CDH13: variants seen among roughly 807,000 people sequenced by gnomAD.
CDH13 encodes the protein cadherin-13.
A neutral mutation model predicts 63.8 loss-of-function variants in CDH13; 24 were observed. That is an observed-to-expected ratio of 0.38 (90% CI 0.27 to 0.53). CDH13 has a LOEUF of 0.53. CDH13 is among the 20% of genes least tolerant of loss of function. CDH13 has a pLI of 0.85. For missense variants in CDH13, 1,049 were observed against 903.1 expected (o/e 1.16, Z -2.07); for synonymous variants, 503 against 355.3 (o/e 1.42, Z -4.67).
chr16:82,953,648 G>C (rs1428416786), intron 2 of CDH13: 1 of 152,110 alleles, frequency 6.6e-6, no homozygotes, highest in Non-Finnish European at 1.5e-5. Flanking sequence ...TACTTAATCT[G>C]TGCAGTTTGC....
At chr16:83,269,337 ATATAT>A in intron 5 of CDH13, among the ~76,000 whole-genome samples, 1 of 152,322 alleles carries the variant, frequency 6.6e-6, no homozygotes, top group East Asian at 1.9e-4. Context: ...ACTTCATTAA[ATATAT>A]TATGCAATGC....
chr16:83,391,545 TA>T (rs1486416965), intron 6 of CDH13, among the ~76,000 whole-genome samples: 7 of 152,114 alleles, frequency 4.6e-5, no homozygotes, highest in Non-Finnish European at 8.8e-5. Context: ...AATTATACTA[TA>T]AAGGAACAAC....
intron 5 of CDH13, among the ~76,000 whole-genome samples, chr16:83,238,392 C>G (rs1311786752): frequency 1.3e-5 from 2 of 152,278 alleles, no homozygotes; most frequent in African/African-American, 4.8e-5. Context: ...GACTTATTCA[C>G]TATCACGAGA....
At chr16:82,813,081 A>G (rs73606824) in intron 1 of CDH13, among the ~76,000 whole-genome samples, 34 of 152,278 alleles carry the variant, frequency 2.2e-4, no homozygotes, top group African/African-American at 7.9e-4. Context: ...CCCATCTTAG[A>G]GAAGAGCCTT....
intron 6 of CDH13, among the ~76,000 whole-genome samples, chr16:83,372,286 G>T (rs1377645291): frequency 6.6e-6 from 1 of 152,176 alleles, no homozygotes; most frequent in African/African-American, 2.4e-5. Flanking sequence ...TCAAATTCCA[G>T]AAGTCTGATT....
intron 1 of CDH13, among the ~76,000 whole-genome samples, chr16:82,670,906 G>T (rs1049828543): frequency 5.9e-5 from 9 of 152,164 alleles, no homozygotes; most frequent in African/African-American, 1.4e-4. Context: ...TCCTCCTCCT[G>T]GAGGTGCAGT....
chr16:83,555,786 C>T (rs1480715705), intron 7 of CDH13, among the ~76,000 whole-genome samples: 1 of 152,206 alleles, frequency 6.6e-6, no homozygotes, highest in African/African-American at 2.4e-5. Context: ...AGTCTGTCTG[C>T]TCCCAATTCC....
At chr16:82,670,868 A>G (rs1913157385) in intron 1 of CDH13, among the ~76,000 whole-genome samples, 1 of 152,242 alleles carries the variant, frequency 6.6e-6, no homozygotes, top group Admixed American at 6.5e-5. Flanking sequence ...AGATATAAAC[A>G]AAACATTTTT....
intron 1 of CDH13, among the ~76,000 whole-genome samples, chr16:82,679,354 G>C (rs1276696752): frequency 1.3e-5 from 2 of 152,314 alleles, no homozygotes; most frequent in East Asian, 3.9e-4. Flanking sequence ...CCATGGCTGG[G>C]GAGCAGGGTA....
At chr16:83,676,586 T>C (rs984435624) in intron 9 of CDH13, among the ~76,000 whole-genome samples, 1 of 152,210 alleles carries the variant, frequency 6.6e-6, no homozygotes, top group Non-Finnish European at 1.5e-5. Flanking sequence ...GAATGGTGAA[T>C]TACTGCTGTG....
intron 1 of CDH13, among the ~76,000 whole-genome samples, chr16:82,648,319 A>G (rs1163315401): frequency 6.6e-6 from 1 of 152,246 alleles, no homozygotes; most frequent in Admixed American, 6.5e-5. Flanking sequence ...TGAATATTGT[A>G]TATGTTTTAT....
chr16:83,055,716 G>GA (rs1284356638), intron 3 of CDH13, among the ~76,000 whole-genome samples: 4 of 151,600 alleles, frequency 2.6e-5, no homozygotes, highest in African/African-American at 4.8e-5. Flanking sequence ...CTGTAAAATA[G>GA]AAAAAAAATG....
At chr16:82,803,598 T>A (rs1305040588) in intron 1 of CDH13, among the ~76,000 whole-genome samples, 1 of 152,180 alleles carries the variant, frequency 6.6e-6, no homozygotes, top group Admixed American at 6.5e-5. Context: ...AAAAGAAGAA[T>A]AATGAAACTG....
Position 82,661,767 on chromosome 16 carries a change from C to G in CDH13, c.45+34630C>G, listed in dbSNP as rs540991945. ...GAACACGGAGTATTGGGGGAAACCT[C>G]AATTAGGGAATAAAGAGCTAGTACA... On this transcript the variant is annotated intron_variant, in intron 1 of 13. Transcript: ENST00000567109. Among the ~76,000 whole-genome samples the G allele has an allele frequency of 6.1e-4, 93 of 152,306 alleles. 1 individual carries two copies. Among genetic ancestry groups the G allele is most frequent in the African/African-American group, 2.2e-3 (90 of 41,572 alleles).
chr16:83,477,496 C>G (rs889073368), intron 6 of CDH13, among the ~76,000 whole-genome samples: 1 of 152,146 alleles, frequency 6.6e-6, no homozygotes, highest in Non-Finnish European at 1.5e-5. Flanking sequence ...GGCACTTCCT[C>G]ACCTCAAACC....
intron 5 of CDH13, among the ~76,000 whole-genome samples, chr16:83,267,693 G>A (rs943687331): frequency 6.6e-5 from 10 of 152,124 alleles, no homozygotes; most frequent in Admixed American, 2.0e-4. Flanking sequence ...ACAACATTAC[G>A]ATGGAGCAAG....
At position 83,397,572 on chromosome 16, in the gene CDH13, G is replaced by T. The variant is rs1394078157; in HGVS notation, c.781+52566G>T. On this transcript the variant is annotated intron_variant, in intron 6 of 13. Coordinates refer to ENST00000567109, the MANE Select transcript of CDH13 (RefSeq NM_001257.5). ...ACAGCATCGTGTATTTTAGCAAGGA[G>T]AGCGTGCTGGTGTTGATCTGATATC... The T allele has an allele frequency of 2.0e-5, 3 of 152,252 alleles. No homozygotes were observed. In the East Asian group the frequency reaches 5.8e-4, roughly 29 times the overall value. 9.4% of individuals were successfully genotyped at this position (152,252 alleles called of 1,614,324 possible).
chr16:83,138,732 C>T (rs577296842), intron 4 of CDH13, among the ~76,000 whole-genome samples: 4 of 152,236 alleles, frequency 2.6e-5, no homozygotes, highest in South Asian at 2.1e-4. Context: ...GAAGTTTAGT[C>T]CTGTTACGCT....
At chr16:82,880,371 T>G (rs950301022) in intron 2 of CDH13, among the ~76,000 whole-genome samples, 1 of 152,184 alleles carries the variant, frequency 6.6e-6, no homozygotes, top group African/African-American at 2.4e-5. Context: ...CTGGGTTGAT[T>G]GCTTCATATA....
Sources: gnomAD v4.1 joint callset for allele counts (sites outside exome capture counted in the v4.1 genomes callset) on GRCh38, gnomAD v4.1.1 for gene constraint, MANE v1.5 for transcripts, NCBI Gene and HGNC (gene_info 2026-07-23, HGNC 2026-07-21) for gene names.